The following HERC4 variants were observed in gnomAD, a reference collection of about 807,000 sequenced individuals.
The protein encoded by HERC4 is probable E3 ubiquitin-protein ligase HERC4.
HERC4 carries 28 observed loss-of-function variants against 124.3 expected under a neutral mutation model. The ratio of observed to expected loss-of-function variants is 0.23; its 90% CI spans 0.17 to 0.31. HERC4 has a LOEUF of 0.31. HERC4 is among the 10% of genes least tolerant of loss of function. HERC4 has a pLI of 1.00. For missense variants in HERC4, 713 were observed against 1,229.3 expected (o/e 0.58, Z 6.28); for synonymous variants, 407 against 421.5 (o/e 0.97, Z 0.42).
chr10:67,990,105 A>T (rs2132752098), intron 14 of HERC4, 106 bp downstream of exon 14: 8 of 818,902 alleles, frequency 9.8e-6, no homozygotes, highest in East Asian at 2.8e-5. Context: ...TGCCTAAGAC[A>T]GTGTCAAATA....
At chr10:68,044,658 C>T (rs2039929441) in intron 3 of HERC4, 95 bp from the exon 4 acceptor site, 1 of 1,079,772 alleles carries the variant, frequency 9.3e-7, no homozygotes, top group Non-Finnish European at 1.4e-6. Context: ...AAGAACAAAA[C>T]ACATTCTTCA....
At chr10:67,991,896 T>C (rs1266905539) in intron 11 of HERC4, among the ~76,000 whole-genome samples, 1 of 152,064 alleles carries the variant, frequency 6.6e-6, no homozygotes, top group African/African-American at 2.4e-5. Flanking sequence ...TTTAAAAATA[T>C]CCATGGATAT....
Position 67,966,608 on chromosome 10 carries a change from A to T in HERC4, c.1926+75T>A, listed in dbSNP as rs1183991910. ...TTCTGAAAAAACTTTCTCATTTCAA[A>T]ACCAAGCAATTGTTTCTTTTTTTAT... On this transcript the variant is annotated intron_variant, in intron 16 of 24. Transcript: ENST00000373700. 3 of 1,441,788 alleles carry T rather than the reference A, an allele frequency of 2.1e-6. No individual in the cohort carries two copies. The African/African-American group carries it at 4.4e-5, about 21-fold the overall frequency. 89.3% of individuals were successfully genotyped at this position (1,441,788 alleles called of 1,614,324 possible).
intron 19 of HERC4, among the ~76,000 whole-genome samples, chr10:67,947,213 C>G (rs1346102327): frequency 2.0e-5 from 3 of 152,094 alleles, no homozygotes; most frequent in Non-Finnish European, 4.4e-5. Context: ...ATATGTTAGG[C>G]CACAAAACAA....
intron 3 of HERC4, among the ~76,000 whole-genome samples, chr10:68,065,154 A>C (rs1360243694): frequency 6.6e-6 from 1 of 152,178 alleles, no homozygotes; most frequent in African/African-American, 2.4e-5. Flanking sequence ...GTTTGTAATC[A>C]GAAACATATA....
chr10:68,063,096 C>G (rs1441750129), intron 3 of HERC4, among the ~76,000 whole-genome samples: 1 of 151,918 alleles, frequency 6.6e-6, no homozygotes, highest in Non-Finnish European at 1.5e-5. Flanking sequence ...TAACACTTAG[C>G]ATATTTTAAT....
intron 15 of HERC4, among the ~76,000 whole-genome samples, chr10:67,975,681 G>A (rs947306918): frequency 6.6e-6 from 1 of 152,138 alleles, no homozygotes; most frequent in South Asian, 2.1e-4. Context: ...CTATATGACT[G>A]TCCAATTTGC....
At chr10:67,923,755 G>C (rs2030526040) in intron 24 of HERC4, among the ~76,000 whole-genome samples, 1 of 151,498 alleles carries the variant, frequency 6.6e-6, no homozygotes, top group South Asian at 2.1e-4. Flanking sequence ...ATGTTGCCCA[G>C]GCTCAAATCA....
intron 7 of HERC4, among the ~76,000 whole-genome samples, chr10:68,031,374 G>A (rs952800829): frequency 2.6e-5 from 4 of 151,944 alleles, no homozygotes; most frequent in African/African-American, 4.8e-5. Context: ...TACCAATAAC[G>A]AAAAAGGACG....
chr10:68,027,107 T>C (rs1302924848), intron 7 of HERC4, among the ~76,000 whole-genome samples: 2 of 152,350 alleles, frequency 1.3e-5, no homozygotes, highest in East Asian at 3.9e-4. Flanking sequence ...CAATCACAAT[T>C]AGTATTCTTC....
rs765272794 is a variant in HERC4, at chr10:67,932,623, T to C, written c.2812A>G (p.Asn938Asp). The change falls in exon 23 of 25, where the codon AAT becomes GAT. Residue 938 changes from asparagine (N) to aspartate (D), a missense_variant. Asn to Asp is a conservative substitution (Grantham distance 23). Transcript: ENST00000373700. ...ELQAMVIGNT[N>D]YDWKELEKNT... ...TTTTCCAGTTCCTTCCAATCATAAT[T>C]TGTATTTCCAATGACCATTGCTTGT... 20 of 1,611,144 alleles carry C rather than the reference T, an allele frequency of 1.2e-5. No individual in the cohort carries two copies. The East Asian group carries it at 4.3e-4, about 34-fold the overall frequency.
intron 3 of HERC4, among the ~76,000 whole-genome samples, chr10:68,059,077 T>C (rs534589239): frequency 2.0e-5 from 3 of 152,252 alleles, no homozygotes; most frequent in South Asian, 4.1e-4. Context: ...TAGCTCTCTA[T>C]ACATTACTCT....
intron 23 of HERC4, among the ~76,000 whole-genome samples, chr10:67,931,209 C>A (rs2031766858): frequency 6.6e-6 from 1 of 151,992 alleles, no homozygotes; most frequent in South Asian, 2.1e-4. Flanking sequence ...TGGTCTCGAT[C>A]TCTTAACCTC....
At chr10:68,028,969 C>G (rs1039129775) in intron 7 of HERC4, among the ~76,000 whole-genome samples, 1 of 151,758 alleles carries the variant, frequency 6.6e-6, no homozygotes, top group Non-Finnish European at 1.5e-5. Flanking sequence ...CCAGGAGTAC[C>G]AGACCAGCCT....
At chr10:68,052,863 A>G (rs1473782227) in intron 3 of HERC4, among the ~76,000 whole-genome samples, 9 of 152,222 alleles carry the variant, frequency 5.9e-5, no homozygotes. Context: ...AAAATTCTAT[A>G]TTCTTAATTG....
At chr10:68,042,757 G>A (rs941625301) in intron 4 of HERC4, among the ~76,000 whole-genome samples, 1 of 151,896 alleles carries the variant, frequency 6.6e-6, no homozygotes, top group Non-Finnish European at 1.5e-5. Flanking sequence ...AAATGATTTG[G>A]TACTGAAATT....
At chr10:67,934,255 T>C (rs2032123191) in intron 22 of HERC4, among the ~76,000 whole-genome samples, 1 of 152,202 alleles carries the variant, frequency 6.6e-6, no homozygotes, top group African/African-American at 2.4e-5. Context: ...TTATTCACAG[T>C]TAAGCTGTAT....
intron 8 of HERC4, 41 bp downstream of exon 8, chr10:68,025,505 G>T: frequency 6.3e-7 from 1 of 1,580,648 alleles, no homozygotes; most frequent in Non-Finnish European, 8.6e-7. Context: ...CTAAACAACT[G>T]CAGTTTAGAG....
intron 15 of HERC4, among the ~76,000 whole-genome samples, chr10:67,970,147 A>G (rs1437718329): frequency 7.7e-6 from 1 of 130,562 alleles, no homozygotes; most frequent in Non-Finnish European, 1.6e-5. Context: ...ATAGCAAATT[A>G]AAAATTCAAT....
Sources: allele counts gnomAD v4.1 joint callset (sites outside exome capture counted in the v4.1 genomes callset), GRCh38; gene constraint gnomAD v4.1.1; transcripts MANE v1.5; gene names NCBI Gene and HGNC (gene_info 2026-07-23, HGNC 2026-07-21).